The following RD3 variants were observed in gnomAD, a reference collection of about 807,000 sequenced individuals.
RD3 encodes the protein protein RD3.
A neutral mutation model predicts 16.9 loss-of-function variants in RD3; 11 were observed. The observed-to-expected ratio is 0.65, with a 90% CI of 0.41 to 1.08. The LOEUF (loss-of-function observed/expected upper bound fraction) is 1.08. Among genes scored for constraint, RD3 ranks in the 50% least tolerant of loss-of-function variants. The pLI is 0.00. For synonymous variants in RD3, 116 were observed against 114.8 expected (o/e 1.01, Z -0.07); for missense variants, 274 against 267.4 (o/e 1.02, Z -0.17).
rs978971728 is a variant in RD3 at position 211,478,883 on chromosome 1, C to T, written c.*153G>A. ...AGAGGAAGAGGATGGGGCAGGGAGT[C>T]GCTTCATTTTATAGCAGCGTCTTGG... On this transcript the variant is annotated 3_prime_UTR_variant, in exon 3 of 3. Transcript: ENST00000680073. 1 of 681,448 alleles carries T rather than the reference C, an allele frequency of 1.5e-6. No homozygotes were observed. The highest frequency in any genetic ancestry group is 3.0e-5 in the Admixed American group (1 of 33,674). 42.2% of individuals were successfully genotyped at this position (681,448 alleles called of 1,614,324 possible).
At chr1:211,482,949 G>A (rs1705305821) in intron 1 of RD3, among the ~76,000 whole-genome samples, 1 of 151,880 alleles carries the variant, frequency 6.6e-6, no homozygotes, top group South Asian at 2.1e-4. Flanking sequence ...GATGAAGGAG[G>A]TGTCACCTCC....
intron 1 of RD3, among the ~76,000 whole-genome samples, chr1:211,485,671 C>T (rs1038044556): frequency 2.6e-5 from 4 of 152,114 alleles, no homozygotes; most frequent in Non-Finnish European, 4.4e-5. Context: ...CACTGCCTGG[C>T]TCCAGATTCA....
At chr1:211,479,801 CA>C (rs1318203254) in intron 2 of RD3, among the ~76,000 whole-genome samples, 1 of 152,188 alleles carries the variant, frequency 6.6e-6, no homozygotes, top group East Asian at 1.9e-4. Context: ...TTGCCATGCA[CA>C]GGGGTCCCCT....
chr1:211,488,301 AAGGC>A (rs1416772469), intron 1 of RD3, among the ~76,000 whole-genome samples: 1 of 152,172 alleles, frequency 6.6e-6, no homozygotes, highest in African/African-American at 2.4e-5. Context: ...TTGGGAGGCC[AAGGC>A]AGGCAGATCA....
intron 1 of RD3, among the ~76,000 whole-genome samples, chr1:211,489,327 G>A (rs1705437855): frequency 7.3e-6 from 1 of 137,866 alleles, no homozygotes; most frequent in Admixed American, 7.1e-5. Flanking sequence ...TAACTGAAAT[G>A]TGGTATTTCT....
At position 211,478,005 on chromosome 1, in the gene RD3, T is replaced by C. The variant is rs1487029331; in HGVS notation, c.*1031A>G. 2.3e-5 allele frequency: 9 copies of C among 398,388 alleles called. No individual in the cohort carries two copies. The highest frequency in any genetic ancestry group is 8.8e-5 in the Admixed American group (2 of 22,722). 24.7% of individuals were successfully genotyped at this position (398,388 alleles called of 1,614,324 possible). On this transcript the variant is annotated 3_prime_UTR_variant, in exon 3 of 3. Transcript: ENST00000680073. Reference sequence around the variant, plus strand: ...ACAATGAAGCTGCAGGAAGCTCTTCTAGAACATTTCACTCAGCTGCCTCAA... The same window carrying C: ...ACAATGAAGCTGCAGGAAGCTCTTCCAGAACATTTCACTCAGCTGCCTCAA...
chr1:211,477,908 C>A lies in RD3; in HGVS notation c.*1128G>T. ...AAGGCCTCCTGGCCTTCCAGATTTT[C>A]CATGGGTGATCCACACATTGGGTAA... On this transcript the variant is annotated 3_prime_UTR_variant, in exon 3 of 3. Coordinates refer to ENST00000680073, the MANE Select transcript of RD3 (RefSeq NM_001164688.2). The A allele has an allele frequency of 5.2e-6, 2 of 386,774 alleles. No individual in the cohort carries two copies. Among genetic ancestry groups the A allele is most frequent in the Non-Finnish European group, 4.6e-6 (1 of 219,704 alleles). 24.0% of individuals were successfully genotyped at this position (386,774 alleles called of 1,614,324 possible).
At chr1:211,487,487 C>A (rs972545191) in intron 1 of RD3, among the ~76,000 whole-genome samples, 3 of 152,152 alleles carry the variant, frequency 2.0e-5, no homozygotes, top group Non-Finnish European at 4.4e-5. Flanking sequence ...CCTACAAGAG[C>A]AAATATGGCA....
At chr1:211,484,777 C>T (rs1287064258) in intron 1 of RD3, among the ~76,000 whole-genome samples, 6 of 152,200 alleles carry the variant, frequency 3.9e-5, no homozygotes, top group African/African-American at 1.4e-4. Context: ...ACCTCCGCTT[C>T]ATCCCACATG....
At chr1:211,481,040 T>C in intron 2 of RD3, 80 bp downstream of exon 2, 1 of 1,452,692 alleles carries the variant, frequency 6.9e-7, no homozygotes, top group Non-Finnish European at 9.6e-7. Flanking sequence ...ACTCTAGTCC[T>C]GGTGGCCTCA....
Position 211,479,302 on chromosome 1 carries a change from C to G in RD3, c.322G>C (p.Glu108Gln). ...LRFRQLLAEQ[E>Q]PEVQEVSQLF... ...TGGGACACCTCCTGCACCTCGGGCT[C>G]CTGCTCCGCCAGCAGCTGCCGGAAC... is the stretch of plus-strand genomic sequence containing the variant. The change falls in exon 3 of 3, where the codon GAG becomes CAG. Residue 108 changes from glutamate (E) to glutamine (Q), a missense_variant. Glu to Gln is a conservative substitution (Grantham distance 29). Coordinates refer to ENST00000680073, the MANE Select transcript of RD3 (RefSeq NM_001164688.2). The G allele has an allele frequency of 6.2e-7, 1 of 1,604,142 alleles. No homozygotes were observed. Among genetic ancestry groups the G allele is most frequent in the Non-Finnish European group, 8.5e-7 (1 of 1,175,610 alleles).
chr1:211,485,651 C>T (rs886873243), intron 1 of RD3, among the ~76,000 whole-genome samples: 24 of 152,064 alleles, frequency 1.6e-4, no homozygotes, highest in Non-Finnish European at 2.6e-4. Context: ...GTGTCTGGCA[C>T]AATTTTCTAC....
Position 211,478,904 on chromosome 1 carries a change from C to G in RD3, c.*132G>C. 59 of 692,882 alleles carry G rather than the reference C, an allele frequency of 8.5e-5. No homozygotes were observed. Among genetic ancestry groups the G allele is most frequent in the Middle Eastern group, 4.5e-4 (1 of 2,242 alleles). 42.9% of individuals were successfully genotyped at this position (692,882 alleles called of 1,614,324 possible). A position where few individuals can be genotyped will look rare whatever the true frequency, so the allele number is the denominator to read the frequency against. On this transcript the variant is annotated 3_prime_UTR_variant, in exon 3 of 3. Transcript: ENST00000680073. ...GAGTCGCTTCATTTTATAGCAGCGTCTTGGGATGGGGCCGCCTCTTGGGTC... is the reference window on the plus strand; with the variant it reads ...GAGTCGCTTCATTTTATAGCAGCGTGTTGGGATGGGGCCGCCTCTTGGGTC...
At chr1:211,484,012 A>G (rs1457022019) in intron 1 of RD3, among the ~76,000 whole-genome samples, 1 of 152,154 alleles carries the variant, frequency 6.6e-6, no homozygotes, top group Non-Finnish European at 1.5e-5. Context: ...CCCATTCTAC[A>G]TGGAGACCAG....
intron 1 of RD3, among the ~76,000 whole-genome samples, chr1:211,485,034 G>A (rs1465434029): frequency 6.6e-6 from 1 of 152,198 alleles, no homozygotes; most frequent in East Asian, 1.9e-4. Flanking sequence ...ATGTCTCCTG[G>A]ACCCCCAGAC....
At chr1:211,484,447 T>C (rs1364733476) in intron 1 of RD3, among the ~76,000 whole-genome samples, 1 of 152,096 alleles carries the variant, frequency 6.6e-6, no homozygotes, top group Non-Finnish European at 1.5e-5. Context: ...GAATTTGAGC[T>C]GAAAGAAGAG....
At chr1:211,479,350 G>A in intron 2 of RD3, 23 bp from the exon 3 acceptor site, 1 of 1,590,558 alleles carries the variant, frequency 6.3e-7, no homozygotes. Flanking sequence ...GGAGGGCGCT[G>A]GGGACATTCA....
intron 2 of RD3, 108 bp from the exon 3 acceptor site, chr1:211,479,435 C>G (rs894412642): frequency 6.1e-5 from 58 of 958,034 alleles, no homozygotes; most frequent in Non-Finnish European, 7.9e-5. Flanking sequence ...GCCAATTAGT[C>G]CACTCTACTC....
chr1:211,490,547 A>C (rs1004402629), intron 1 of RD3, among the ~76,000 whole-genome samples: 3 of 152,244 alleles, frequency 2.0e-5, no homozygotes, highest in Non-Finnish European at 4.4e-5. Context: ...CCAGACGCTC[A>C]GTCTGGGCAG....
Sources: gnomAD v4.1 joint callset for allele counts (sites outside exome capture counted in the v4.1 genomes callset) on GRCh38, gnomAD v4.1.1 for gene constraint, MANE v1.5 for transcripts, NCBI Gene and HGNC (gene_info 2026-07-23, HGNC 2026-07-21) for gene names.